CYP4V2: variants seen among roughly 807,000 people sequenced by gnomAD.
The protein encoded by CYP4V2 is cytochrome P450 family 4 subfamily V member 2.
A neutral mutation model predicts 60.8 loss-of-function variants in CYP4V2; 55 were observed. The observed-to-expected ratio is 0.90, with a 90% CI of 0.73 to 1.13. CYP4V2 has a LOEUF of 1.13. CYP4V2 is among the 50% of genes most tolerant of loss of function. The pLI, the probability that CYP4V2 is intolerant of heterozygous loss-of-function variation, is 0.00. For missense variants in CYP4V2, 675 were observed against 662.9 expected (o/e 1.02, Z -0.20); for synonymous variants, 239 against 236.8 (o/e 1.01, Z -0.08).
intron 8 of CYP4V2, among the ~76,000 whole-genome samples, chr4:186,207,412 CAA>C (rs10651706): frequency 8.5e-6 from 1 of 117,904 alleles, no homozygotes; most frequent in Non-Finnish European, 1.7e-5. Context: ...ACTCTGTCTC[CAA>C]AAAAAAAAAA....
At chr4:186,200,672 C>G (rs2126588893) in intron 6 of CYP4V2, among the ~76,000 whole-genome samples, 1 of 152,220 alleles carries the variant, frequency 6.6e-6, no homozygotes, top group East Asian at 1.9e-4. Context: ...AGGGAGGGGG[C>G]AGCCGTGCAG....
intron 3 of CYP4V2, chr4:186,196,559 G>C (rs1486306330): frequency 3.4e-6 from 1 of 295,612 alleles, no homozygotes; most frequent in African/African-American, 2.2e-5. Flanking sequence ...AGAGGGGAGA[G>C]ATCAAGGTAG....
chr4:186,191,980 G>A lies in CYP4V2; in HGVS notation c.157G>A (p.Val53Met), dbSNP rs766465711. ...GCAGCAGATGCGGCCCATCCCCACG[G>A]TGGCCCGCGCCTACCCACTGGTGGG... ...KWQQMRPIPT[V>M]ARAYPLVGHA... Residue 53 changes from valine to methionine, a missense_variant, in exon 1 of 11, where the codon GTG becomes ATG. Physicochemically the swap from Val to Met is conservative, Grantham distance 21. Coordinates refer to ENST00000378802, the MANE Select transcript of CYP4V2 (RefSeq NM_207352.4). The A allele has an allele frequency of 5.7e-6, 9 of 1,585,404 alleles. No homozygotes were observed. The highest frequency in any genetic ancestry group is 7.7e-6 in the Non-Finnish European group (9 of 1,170,314).
rs1460876704 is a variant in CYP4V2, at chr4:186,199,001, G to C, written c.719G>C (p.Trp240Ser). The C allele has an allele frequency of 6.2e-7, 1 of 1,613,928 alleles. No homozygotes were observed. Among genetic ancestry groups the C allele is most frequent in the Non-Finnish European group, 8.5e-7 (1 of 1,179,992 alleles). The change falls in exon 6 of 11, where the codon TGG becomes TCG. Residue 240 changes from tryptophan to serine, a missense_variant. Transcript: ENST00000378802. ...CGAAGAATAAAGATGCCCTGGCTTT[G>C]GCTTGATCTCTGGTACCTTATGTTT... ...IFRRIKMPWL[W>S]LDLWYLMFKE...
At chr4:186,204,214 G>A (rs2126593459) in intron 7 of CYP4V2, 2 of 180,802 alleles carry the variant, frequency 1.1e-5, no homozygotes, top group South Asian at 1.4e-4. Flanking sequence ...AAGAGGTGGA[G>A]GTGGAGACGT....
At chr4:186,197,637 T>C in intron 5 of CYP4V2, 35 bp downstream of exon 5, 2 of 1,602,714 alleles carry the variant, frequency 1.2e-6, no homozygotes, top group Non-Finnish European at 1.7e-6. Context: ...TTAACAATTA[T>C]TATTGATTTA....
chr4:186,209,780 G>A (rs1736649004), intron 10 of CYP4V2, among the ~76,000 whole-genome samples: 1 of 152,096 alleles, frequency 6.6e-6, no homozygotes, highest in African/African-American at 2.4e-5. Flanking sequence ...CTAAGGTATG[G>A]GGGGGGCTTA....
At chr4:186,197,627 T>C in intron 5 of CYP4V2, 25 bp downstream of exon 5, 1 of 1,606,186 alleles carries the variant, frequency 6.2e-7, no homozygotes. Flanking sequence ...TTCAGTTATT[T>C]TAACAATTAT....
At chr4:186,197,479 C>T (rs1736185404) in intron 4 of CYP4V2, 54 bp from the exon 5 acceptor site, 22 of 1,563,106 alleles carry the variant, frequency 1.4e-5, no homozygotes, top group Middle Eastern at 3.3e-4. Flanking sequence ...AAAATAAACA[C>T]GAGATAACTA....
At position 186,205,233 on chromosome 4, in the gene CYP4V2, TCC is replaced by T; in HGVS notation, c.1022_1023del (p.Ser341PhefsTer7). ...HDTTAAAINW[S>X]LYLLGSNPEV... ...TACAACTGCAGCTGCAATAAACTGG[TCC>T]TTATACCTGTTGGGTTCTAACCCAG... On this transcript the variant is annotated frameshift_variant, in exon 8 of 11. Coordinates refer to ENST00000378802, the MANE Select transcript of CYP4V2 (RefSeq NM_207352.4). LOFTEE classifies it high-confidence loss of function. 1 of 1,614,264 alleles carries T rather than the reference TCC, an allele frequency of 6.2e-7. No individual in the cohort carries two copies. Among genetic ancestry groups the T allele is most frequent in the Non-Finnish European group, 8.5e-7 (1 of 1,180,040 alleles).
intron 6 of CYP4V2, among the ~76,000 whole-genome samples, chr4:186,200,487 C>T (rs572041386): frequency 1.3e-5 from 2 of 152,144 alleles, no homozygotes; most frequent in South Asian, 2.1e-4. Context: ...ATAAGTATAA[C>T]GTAAGTATAA....
intron 5 of CYP4V2, 105 bp from the exon 6 acceptor site, chr4:186,198,852 A>G (rs1030998676): frequency 6.4e-7 from 1 of 1,557,560 alleles, no homozygotes; most frequent in Non-Finnish European, 8.8e-7. Context: ...TAAGACAATC[A>G]TCGTCATTCC....
chr4:186,200,933 A>G (rs1183059302), intron 6 of CYP4V2, among the ~76,000 whole-genome samples: 1 of 152,226 alleles, frequency 6.6e-6, no homozygotes, highest in South Asian at 2.1e-4. Flanking sequence ...CTTGAAAATT[A>G]GGAATTTGCG....
At chr4:186,204,338 C>CGGTGGAGGCGCTACGCTGGCGTAAGAGGT (rs1561435548) in intron 7 of CYP4V2, 1 of 104,798 alleles carries the variant, frequency 9.5e-6, no homozygotes, top group African/African-American at 4.2e-5. Context: ...GCGTAAGAGG[C>CGGTGGAGGCGCTACGCTGGCGTAAGAGGT]GGCGGTGGAG....
At chr4:186,204,284 GAC>G (rs1736417554) in intron 7 of CYP4V2, 8 of 156,338 alleles carry the variant, frequency 5.1e-5, no homozygotes, top group South Asian at 4.0e-4. Flanking sequence ...CGGCGGTGGA[GAC>G]GCTACGCTGG....
At chr4:186,207,252 C>CA (rs905707513) in intron 8 of CYP4V2, among the ~76,000 whole-genome samples, 1 of 151,318 alleles carries the variant, frequency 6.6e-6, no homozygotes, top group Admixed American at 6.6e-5. Flanking sequence ...ATTAAAAATA[C>CA]AAAAAAATTA....
Position 186,191,639 on chromosome 4 carries a change from C to T in CYP4V2, c.-185C>T, listed in dbSNP as rs1381962221. On this transcript the variant is annotated 5_prime_UTR_variant, in exon 1 of 11. Transcript: ENST00000378802. ...GCCGGGCCGGGCGCAGGAACAGCCC[C>T]GTGGCGCCCTCTCTGGCCGCCGCCC... The T allele has an allele frequency of 2.4e-6, 1 of 420,396 alleles. No individual in the cohort carries two copies. Among genetic ancestry groups the T allele is most frequent in the African/African-American group, 2.1e-5 (1 of 47,796 alleles). 26.0% of individuals were successfully genotyped at this position (420,396 alleles called of 1,614,324 possible).
At position 186,195,992 on chromosome 4, in the gene CYP4V2, C is replaced by G; in HGVS notation, c.328-11C>G. The G allele has an allele frequency of 6.3e-7, 1 of 1,591,104 alleles. No individual in the cohort carries two copies. The highest frequency in any genetic ancestry group is 1.1e-5 in the South Asian group (1 of 90,456). ...CTGTATGTCTCTAAAGTATGTTTTT[C>G]TCTTCCTAAGGTAATTTTAACTAGT... On this transcript the variant is annotated splice_polypyrimidine_tract_variant and intron_variant, in intron 2 of 10. Coordinates refer to ENST00000378802, the MANE Select transcript of CYP4V2 (RefSeq NM_207352.4). This position sits in a 1 kb window ranked among gnomAD's most constrained non-coding sequence, Gnocchi z 4.1.
intron 8 of CYP4V2, among the ~76,000 whole-genome samples, chr4:186,207,445 AC>A (rs1369127543): frequency 2.7e-5 from 4 of 148,394 alleles, no homozygotes; most frequent in East Asian, 3.9e-4. Flanking sequence ...AAAGAAAAAA[AC>A]ATTTGAGCAA....
Sources: allele counts gnomAD v4.1 joint callset (sites outside exome capture counted in the v4.1 genomes callset), GRCh38; gene constraint gnomAD v4.1.1; non-coding constraint Gnocchi (gnomAD v3.1); transcripts MANE v1.5; gene names NCBI Gene and HGNC (gene_info 2026-07-23, HGNC 2026-07-21).